The following AFG3L2 variants were observed in gnomAD, a reference collection of about 807,000 sequenced individuals.
The protein encoded by AFG3L2 is AFG3 like matrix AAA peptidase subunit 2, also known as mitochondrial inner membrane m-AAA protease component AFG3L2.
AFG3L2 carries 54 observed loss-of-function variants against 94.5 expected under a neutral mutation model. That is an observed-to-expected ratio of 0.57 (90% confidence interval 0.46 to 0.72). AFG3L2 has a LOEUF of 0.72. Among genes scored for constraint, AFG3L2 ranks in the 30% least tolerant of loss-of-function variants. AFG3L2 has a pLI of 0.00. For synonymous variants in AFG3L2, 377 were observed against 365.5 expected, an observed-to-expected ratio of 1.03 and a Z score of -0.36; for missense variants, 754 against 994.9, an observed-to-expected ratio of 0.76 and a Z score of 3.26.
intron 16 of AFG3L2, among the ~76,000 whole-genome samples, chr18:12,334,415 C>A (rs1034611897): frequency 2.0e-5 from 3 of 152,166 alleles, no homozygotes; most frequent in Non-Finnish European, 4.4e-5. Flanking sequence ...TCACAGAGGG[C>A]TCATCTGGAC....
intron 6 of AFG3L2, chr18:12,360,275 T>C: frequency 1.9e-6 from 1 of 513,460 alleles, no homozygotes; most frequent in Non-Finnish European, 3.4e-6. Context: ...AGCAGCAATA[T>C]CTCAGTGGCT....
intron 12 of AFG3L2, among the ~76,000 whole-genome samples, chr18:12,350,190 T>C (rs751972476): frequency 6.6e-6 from 1 of 151,310 alleles, no homozygotes; most frequent in East Asian, 1.9e-4. Context: ...TCTGTATTTT[T>C]AGTAGAGACA....
At chr18:12,369,879 AC>A (rs1044943010) in intron 3 of AFG3L2, among the ~76,000 whole-genome samples, 37 of 146,918 alleles carry the variant, frequency 2.5e-4, no homozygotes, top group African/African-American at 7.9e-4. Flanking sequence ...ACACAGCGAA[AC>A]CCCGTCTCTA....
intron 5 of AFG3L2, among the ~76,000 whole-genome samples, chr18:12,365,593 C>T (rs991421631): frequency 6.6e-6 from 1 of 152,206 alleles, no homozygotes; most frequent in African/African-American, 2.4e-5. Context: ...AGGTTTCCAA[C>T]TTCCAGGGGA....
Position 12,376,958 on chromosome 18 carries a change from G to A in AFG3L2, c.114+11C>T, listed in dbSNP as rs755867263. The A allele has an allele frequency of 2.1e-5, 31 of 1,449,386 alleles. No individual in the cohort carries two copies. The highest frequency in any genetic ancestry group is 2.7e-5 in the Non-Finnish European group (30 of 1,103,686). The allele number at this position is 1,449,386 out of a possible 1,614,324, so 89.8% of individuals were successfully genotyped here. A position where few individuals can be genotyped will look rare whatever the true frequency, so the allele number is the denominator to read the frequency against. Reference sequence around the variant, plus strand: ...AGGGTGGAGGGCGCCGGGCGCCCAGGTAGGACTCACCGTCCGGAGGCAGGG... The same window carrying A: ...AGGGTGGAGGGCGCCGGGCGCCCAGATAGGACTCACCGTCCGGAGGCAGGG... On this transcript the variant is annotated intron_variant, in intron 1 of 16. Coordinates refer to ENST00000269143, the MANE Select transcript of AFG3L2 (RefSeq NM_006796.3).
At chr18:12,376,850 G>T in intron 1 of AFG3L2, 119 bp downstream of exon 1, 1 of 749,106 alleles carries the variant, frequency 1.3e-6, no homozygotes, top group Non-Finnish European at 1.9e-6. Flanking sequence ...CAGGCCCTCG[G>T]CAGGGACGGC....
At chr18:12,353,602 G>A (rs1005852483) in intron 9 of AFG3L2, among the ~76,000 whole-genome samples, 6 of 151,774 alleles carry the variant, frequency 4.0e-5, no homozygotes, top group Non-Finnish European at 8.8e-5. Flanking sequence ...ACACTGTAAG[G>A]TACATTTTTT....
chr18:12,359,779 G>A lies in AFG3L2; in HGVS notation c.752+148C>T, dbSNP rs1171182438. ...AAATGAATGAGTCATGCAAAAACTAGTGAGTTACTAATAGTTTTTTAAAAA... is the reference window on the plus strand; with the variant it reads ...AAATGAATGAGTCATGCAAAAACTAATGAGTTACTAATAGTTTTTTAAAAA... On this transcript the variant is annotated intron_variant, in intron 7 of 16. Coordinates refer to ENST00000269143, the MANE Select transcript of AFG3L2 (RefSeq NM_006796.3). 5.0e-6 allele frequency: 5 copies of A among 1,004,720 alleles called. No individual in the cohort carries two copies. In the South Asian group the frequency reaches 5.9e-5, roughly 12 times the overall value. 62.2% of individuals were successfully genotyped at this position (1,004,720 alleles called of 1,614,324 possible).
chr18:12,353,187 G>A, intron 9 of AFG3L2, 29 bp from the exon 10 acceptor site: 1 of 1,612,868 alleles, frequency 6.2e-7, no homozygotes, highest in Non-Finnish European at 8.5e-7. Flanking sequence ...AGAGTCACCT[G>A]ACCAGAGAAT....
chr18:12,363,919 G>T, intron 5 of AFG3L2, 63 bp from the exon 6 acceptor site: 3 of 1,264,190 alleles, frequency 2.4e-6, no homozygotes, highest in Non-Finnish European at 3.5e-6. Flanking sequence ...ACTCTTTTAA[G>T]CTCATTTAAA....
chr18:12,349,123 A>G (rs1023255800), intron 12 of AFG3L2, among the ~76,000 whole-genome samples: 1 of 152,246 alleles, frequency 6.6e-6, no homozygotes, highest in Non-Finnish European at 1.5e-5. Context: ...GGAAAGGATC[A>G]TATTTTACAT....
chr18:12,357,232 T>C (rs756660543), intron 8 of AFG3L2, among the ~76,000 whole-genome samples: 3 of 152,184 alleles, frequency 2.0e-5, no homozygotes, highest in Non-Finnish European at 4.4e-5. Context: ...ACAAGTAAAA[T>C]TGGTTTTTGA....
At position 12,337,426 on chromosome 18, in the gene AFG3L2, A is replaced by G. The variant is rs1283740247; in HGVS notation, c.2090T>C (p.Ile697Thr). 1 of 1,614,086 alleles carries G rather than the reference A, an allele frequency of 6.2e-7. No homozygotes were observed. Among genetic ancestry groups the G allele is most frequent in the East Asian group, 2.2e-5 (1 of 44,888 alleles). The change falls in exon 16 of 17, where the codon ATA (isoleucine) becomes ACA (threonine). Residue 697 changes from isoleucine (I) to threonine (T), a missense_variant. Around this residue, in one of 4 missense-constraint regions of AFG3L2, gnomAD observed 279 missense variants for 378.6 expected, o/e 0.74. Transcript: ENST00000269143. ...AATAAGTATTCGTACTTCATCATCTATCAATCTTGCAGTGGCTTCACTGTA... is the reference window on the plus strand; with the variant it reads ...AATAAGTATTCGTACTTCATCATCTGTCAATCTTGCAGTGGCTTCACTGTA... The part of the protein sequence containing the change: ...KPYSEATARL[I>T]DDEVRILIND...
chr18:12,344,296 G>C, intron 13 of AFG3L2, 49 bp from the exon 14 acceptor site: 1 of 1,420,404 alleles, frequency 7.0e-7, no homozygotes, highest in Non-Finnish European at 1.0e-6. Context: ...CAGTGACACT[G>C]ACATTAAAAG....
At position 12,367,100 on chromosome 18, in the gene AFG3L2, G is replaced by T; in HGVS notation, c.417C>A (p.Asp139Glu). Residue 139 changes from aspartate to glutamate, a missense_variant, in exon 5 of 17, where the codon GAC becomes GAA. Around this residue, in one of 4 missense-constraint regions of AFG3L2, gnomAD observed 236 missense variants for 214.0 expected, o/e 1.10. Transcript: ENST00000269143. ...GGAAGAACATCCTGAAATCCTTGTC[G>T]TCCCATGGAATGTCACCCTGGGCAG... ...SRFQKGDIPW[D>E]DKDFRMFFLW... 1 of 1,614,170 alleles carries T rather than the reference G, an allele frequency of 6.2e-7. No homozygotes were observed. Among genetic ancestry groups the T allele is most frequent in the Non-Finnish European group, 8.5e-7 (1 of 1,180,022 alleles).
chr18:12,375,758 G>A (rs888293652), intron 1 of AFG3L2, among the ~76,000 whole-genome samples: 1 of 152,156 alleles, frequency 6.6e-6, no homozygotes, highest in Non-Finnish European at 1.5e-5. Flanking sequence ...TGTTAGCCAG[G>A]ATGATCTCGA....
At chr18:12,366,668 G>A (rs2143215811) in intron 5 of AFG3L2, among the ~76,000 whole-genome samples, 1 of 152,256 alleles carries the variant, frequency 6.6e-6, no homozygotes, top group Non-Finnish European at 1.5e-5. Flanking sequence ...GGCAGCTGAG[G>A]GCACGTGAGA....
Position 12,370,751 on chromosome 18 carries a change from G to C in AFG3L2, c.292+98C>G. On this transcript the variant is annotated intron_variant, in intron 3 of 16. Coordinates refer to ENST00000269143, the MANE Select transcript of AFG3L2 (RefSeq NM_006796.3). ...TGGGATTACAGGCGTGAGACACTGT[G>C]CCCGGCCTGATAACTCTTTTCTTTG... is the stretch of plus-strand genomic sequence containing the variant. 6 of 852,760 alleles carry C rather than the reference G, an allele frequency of 7.0e-6. 1 individual carries two copies. The Middle Eastern group carries it at 7.0e-4, about 99-fold the overall frequency. The allele number at this position is 852,760 out of a possible 1,614,324, so 52.8% of individuals were successfully genotyped here. A position where few individuals can be genotyped will look rare whatever the true frequency, so the allele number is the denominator to read the frequency against.
intron 6 of AFG3L2, among the ~76,000 whole-genome samples, chr18:12,362,725 T>A (rs1007080819): frequency 1.6e-4 from 24 of 152,314 alleles, no homozygotes; most frequent in Non-Finnish European, 3.1e-4. Flanking sequence ...ACCCTGTGCC[T>A]GACATGGGCC....
Sources: allele counts gnomAD v4.1 joint callset (sites outside exome capture counted in the v4.1 genomes callset), GRCh38; gene constraint gnomAD v4.1.1; regional missense constraint gnomAD v4.1.1; transcripts MANE v1.5; gene names NCBI Gene and HGNC (gene_info 2026-07-23, HGNC 2026-07-21).